The following ADAMTS18 variants were observed in gnomAD, a reference collection of about 807,000 sequenced individuals.
ADAMTS18 encodes A disintegrin and metalloproteinase with thrombospondin motifs 18.
ADAMTS18 carries 157 observed loss-of-function variants against 165.9 expected under a neutral mutation model. The ratio of observed to expected loss-of-function variants is 0.95; its 90% CI spans 0.83 to 1.08. The LOEUF (loss-of-function observed/expected upper bound fraction) is 1.08, where lower values mean the gene tolerates loss of function less well. Ranked by LOEUF, ADAMTS18 falls within the 50% of genes least tolerant of loss-of-function variation. ADAMTS18 has a pLI of 0.00. For missense variants in ADAMTS18, 2,040 were observed against 1,534.0 expected (o/e 1.33, Z -5.51); for synonymous variants, 782 against 578.2 (o/e 1.35, Z -5.06).
At chr16:77,402,434 C>T (rs2057343050) in intron 3 of ADAMTS18, among the ~76,000 whole-genome samples, 1 of 152,124 alleles carries the variant, frequency 6.6e-6, no homozygotes, top group Non-Finnish European at 1.5e-5. Flanking sequence ...TAGGTTCTAA[C>T]ATAGAGAGGG....
chr16:77,313,398 C>G (rs1040048024), intron 16 of ADAMTS18, among the ~76,000 whole-genome samples: 1 of 151,076 alleles, frequency 6.6e-6, no homozygotes, highest in African/African-American at 2.4e-5. Flanking sequence ...ACATATGTAA[C>G]AAACCTGTAC....
chr16:77,396,528 T>A lies in ADAMTS18; in HGVS notation c.496-28805A>T, dbSNP rs117030111. 4.3e-3 allele frequency among the ~76,000 whole-genome samples: 648 copies of A among 152,264 alleles called. 2 individuals are homozygous for A. The highest frequency in any genetic ancestry group is 7.4e-3 in the Non-Finnish European group (505 of 68,030). On this transcript the variant is annotated intron_variant, in intron 3 of 22. Transcript: ENST00000282849. ...TTATTAGAAACACAAGGCTGAAAAA[T>A]CATTTTAGACCAAAACTACAGGAAA... is the stretch of plus-strand genomic sequence containing the variant.
At chr16:77,362,595 G>A in intron 6 of ADAMTS18, among the ~76,000 whole-genome samples, 2 of 152,216 alleles carry the variant, frequency 1.3e-5, no homozygotes, top group African/African-American at 4.8e-5. Context: ...AATTAATGAT[G>A]AAGTTCAATG....
intron 3 of ADAMTS18, among the ~76,000 whole-genome samples, chr16:77,373,632 T>A (rs74866177): frequency 0.059 from 8,966 of 152,102 alleles, 607 homozygotes; most frequent in African/African-American, 0.16. Context: ...CAGGTGGTGA[T>A]GGGTGCACCA....
rs577443756 is a variant in ADAMTS18, at chr16:77,297,505, GA to G, written c.2675-91del. 1.6e-4 allele frequency: 212 copies of G among 1,349,230 alleles called. 1 individual carries two copies. In the East Asian group the frequency reaches 4.8e-3, roughly 30 times the overall value. 83.6% of individuals were successfully genotyped at this position (1,349,230 alleles called of 1,614,324 possible). A position where few individuals can be genotyped will look rare whatever the true frequency, so the allele number is the denominator to read the frequency against. On this transcript the variant is annotated intron_variant, in intron 17 of 22. Coordinates refer to ENST00000282849, the MANE Select transcript of ADAMTS18 (RefSeq NM_199355.4). ...TTAGCTTCTGATTTACCAGCATTGT[GA>G]TATTTTATTTCAGATATGGAATCCA...
intron 3 of ADAMTS18, among the ~76,000 whole-genome samples, chr16:77,390,109 C>G (rs1384566429): frequency 6.6e-6 from 1 of 152,094 alleles, no homozygotes; most frequent in Non-Finnish European, 1.5e-5. Context: ...GTGGCTGTGG[C>G]TGCACTGTGG....
Position 77,362,162 on chromosome 16 carries a change from T to C in ADAMTS18, c.1159A>G (p.Ile387Val), listed in dbSNP as rs2144732104. Reference protein sequence around the residue: ...GKNGKRHDHAILLTGFDICSW... With the variant: ...GKNGKRHDHAVLLTGFDICSW... ...CAAATATCAAATCCTGTTAGTAAGA[T>C]GGCATGATCATGTCTCTTGCCATTC... The change falls in exon 7 of 23, where the codon ATC becomes GTC. Residue 387 changes from isoleucine to valine, a missense_variant. Transcript: ENST00000282849. 2 of 1,614,148 alleles carry C rather than the reference T, an allele frequency of 1.2e-6. No individual in the cohort carries two copies. Among genetic ancestry groups the C allele is most frequent in the Non-Finnish European group, 1.7e-6 (2 of 1,180,014 alleles).
At position 77,359,394 on chromosome 16, in the gene ADAMTS18, T is replaced by C; in HGVS notation, c.1246A>G (p.Lys416Glu). 6 of 1,614,034 alleles carry C rather than the reference T, an allele frequency of 3.7e-6. No homozygotes were observed. The highest frequency in any genetic ancestry group is 1.7e-5 in the Admixed American group (1 of 60,000). ...GFAPISGMCS[K>E]YRSCTINEDT... ...TCATTGATGGTACAACTTCGGTACT[T>C]AGAGCACATTCCACTGATGGGGGCA... The change falls in exon 8 of 23, where the codon AAG becomes GAG. Residue 416 changes from lysine (K) to glutamate (E), a missense_variant. Transcript: ENST00000282849.
chr16:77,379,565 T>G (rs965550337), intron 3 of ADAMTS18, among the ~76,000 whole-genome samples: 3 of 152,192 alleles, frequency 2.0e-5, no homozygotes, highest in East Asian at 3.8e-4. Flanking sequence ...TTCGGCTCAC[T>G]GCAACCTCCA....
At chr16:77,294,343 C>T (rs1597086309) in intron 19 of ADAMTS18, among the ~76,000 whole-genome samples, 1 of 152,212 alleles carries the variant, frequency 6.6e-6, no homozygotes, top group Non-Finnish European at 1.5e-5. Context: ...ACTCATCTCC[C>T]CAAGTTGTGA....
At chr16:77,378,103 G>A (rs2056977911) in intron 3 of ADAMTS18, among the ~76,000 whole-genome samples, 1 of 152,094 alleles carries the variant, frequency 6.6e-6, no homozygotes, top group Non-Finnish European at 1.5e-5. Context: ...TAAGGCAGGA[G>A]GATCACTCGA....
intron 3 of ADAMTS18, among the ~76,000 whole-genome samples, chr16:77,398,077 G>A (rs2057281301): frequency 6.6e-6 from 1 of 152,154 alleles, no homozygotes; most frequent in Admixed American, 6.5e-5. Context: ...AGCACTTTGG[G>A]AGGCCGAGGC....
chr16:77,291,503 A>G, intron 20 of ADAMTS18, 25 bp from the exon 21 acceptor site: 2 of 1,609,764 alleles, frequency 1.2e-6, no homozygotes, highest in Non-Finnish European at 1.7e-6. Context: ...AGGATGTGTA[A>G]AAGTGAAGAC....
intron 10 of ADAMTS18, among the ~76,000 whole-genome samples, chr16:77,345,251 C>T (rs975392778): frequency 2.0e-5 from 3 of 152,140 alleles, no homozygotes; most frequent in African/African-American, 7.2e-5. Context: ...AAACTGAACA[C>T]ATCCAAAATA....
At chr16:77,381,977 G>A (rs28409206) in intron 3 of ADAMTS18, among the ~76,000 whole-genome samples, 3,465 of 152,150 alleles carry the variant, frequency 0.023, 121 homozygotes, top group African/African-American at 0.079. Flanking sequence ...CACCAATCTA[G>A]TTCAGATTTC....
At chr16:77,359,453 C>A (rs2053518356) in intron 7 of ADAMTS18, 30 bp from the exon 8 acceptor site, 4 of 1,579,900 alleles carry the variant, frequency 2.5e-6, no homozygotes, top group African/African-American at 2.7e-5. Context: ...AAATGTGAAT[C>A]CAAAGGTTGC....
At chr16:77,404,708 T>C (rs1182028348) in intron 3 of ADAMTS18, among the ~76,000 whole-genome samples, 1 of 152,174 alleles carries the variant, frequency 6.6e-6, no homozygotes, top group Non-Finnish European at 1.5e-5. Context: ...AATGTATTTC[T>C]CACAGAGTGC....
Position 77,297,348 on chromosome 16 carries a change from A to G in ADAMTS18, c.2742T>C (p.Ser914=). ...QNTQVNSSFC[S]AKTKPVTEPK... is the part of the protein sequence containing the mutation. ...GCTCAGTTACTGGCTTGGTTTTTGC[A>G]CTGCAGAATGAGGAATTGACTTGAG... The change falls in exon 18 of 23, where the codon AGT becomes AGC. Residue 914 remains serine (S), a synonymous_variant. Transcript: ENST00000282849. 6.2e-7 allele frequency: 1 copy of G among 1,614,106 alleles called. No homozygotes were observed. Among genetic ancestry groups the G allele is most frequent in the Non-Finnish European group, 8.5e-7 (1 of 1,179,944 alleles).
chr16:77,368,800 G>C (rs1157870905), intron 3 of ADAMTS18, among the ~76,000 whole-genome samples: 1 of 152,086 alleles, frequency 6.6e-6, no homozygotes, highest in East Asian at 1.9e-4. Context: ...TCTCTAAGTG[G>C]GGGTCTAGAG....
Sources: gnomAD v4.1 joint callset for allele counts (sites outside exome capture counted in the v4.1 genomes callset) on GRCh38, gnomAD v4.1.1 for gene constraint, MANE v1.5 for transcripts, NCBI Gene and HGNC (gene_info 2026-07-23, HGNC 2026-07-21) for gene names.